MGAT5B: variants seen among roughly 807,000 people sequenced by gnomAD.
MGAT5B encodes alpha-1,6-mannosylglycoprotein 6-beta-N-acetylglucosaminyltransferase B.
A neutral mutation model predicts 95.1 loss-of-function variants in MGAT5B; 54 were observed. The ratio of observed to expected loss-of-function variants is 0.57; its 90% CI spans 0.46 to 0.71. The LOEUF (loss-of-function observed/expected upper bound fraction) is 0.71, where lower values mean the gene tolerates loss of function less well. Among genes scored for constraint, MGAT5B ranks in the 30% least tolerant of loss-of-function variants. The probability of loss-of-function intolerance (pLI) is 0.00; values close to 1 mark genes in which losing one functional copy is unlikely to be tolerated. For synonymous variants in MGAT5B, 464 were observed against 451.0 expected (o/e 1.03, Z -0.36); for missense variants, 935 against 1,088.6 (o/e 0.86, Z 1.99).
In MGAT5B at chr17:76,938,701, C is replaced by G. The variant is rs1969754742; in HGVS notation, c.1584+558C>G. Among the ~76,000 whole-genome samples, 2 of 152,130 alleles carry G rather than the reference C, an allele frequency of 1.3e-5. No individual in the cohort carries two copies. The highest frequency in any genetic ancestry group is 1.5e-5 in the Non-Finnish European group (1 of 68,022). On this transcript the variant is annotated intron_variant, in intron 13 of 17. Coordinates refer to ENST00000569840, the MANE Select transcript of MGAT5B (RefSeq NM_001199172.2). The surrounding 1 kb of genome is among the most constrained non-coding windows in gnomAD (Gnocchi z 4.3). ...CCCCCTCACCCTCTTTTTTATGAGA[C>G]AGGGTCTTGCTCTGTCACCCACGCT...
chr17:76,939,863 T>TA (rs1359076229), intron 13 of MGAT5B, among the ~76,000 whole-genome samples: 1 of 152,240 alleles, frequency 6.6e-6, no homozygotes, highest in East Asian at 1.9e-4. Context: ...TGTTTTTTTT[T>TA]ATGTCTGCGT....
At chr17:76,901,224 A>T (rs1968304796) in intron 3 of MGAT5B, among the ~76,000 whole-genome samples, 1 of 152,082 alleles carries the variant, frequency 6.6e-6, no homozygotes, top group Non-Finnish European at 1.5e-5. Context: ...GGCTCAGAAG[A>T]GGAGGAGAGG....
At chr17:76,919,475 G>A (rs1470743709) in intron 8 of MGAT5B, among the ~76,000 whole-genome samples, 1 of 152,204 alleles carries the variant, frequency 6.6e-6, no homozygotes, top group African/African-American at 2.4e-5. Flanking sequence ...TGTTGCCCAG[G>A]CTAGAGTGCA....
intron 15 of MGAT5B, among the ~76,000 whole-genome samples, chr17:76,941,342 T>C (rs937549242): frequency 6.6e-5 from 10 of 152,170 alleles, no homozygotes; most frequent in Admixed American, 5.2e-4. Context: ...ACGTGGGTGC[T>C]GGTGTGTGTA....
In MGAT5B at chr17:76,906,860, A is replaced by C. The variant is rs1009911656; in HGVS notation, c.1025+673A>C. 2.6e-5 allele frequency among the ~76,000 whole-genome samples: 4 copies of C among 152,110 alleles called. No individual in the cohort carries two copies. Among genetic ancestry groups the C allele is most frequent in the African/African-American group, 9.6e-5 (4 of 41,472 alleles). On this transcript the variant is annotated intron_variant, in intron 8 of 17. Transcript: ENST00000569840. This position sits in a 1 kb window ranked among gnomAD's most constrained non-coding sequence, Gnocchi z 4.6. Reference sequence around the variant, plus strand: ...CTTCTCTTTATTAATATTTATTGTAAGATATATGATGCATACAAAGTCTAT... The same window carrying C: ...CTTCTCTTTATTAATATTTATTGTACGATATATGATGCATACAAAGTCTAT...
In MGAT5B at chr17:76,897,550, A is replaced by G. The variant is rs113629595; in HGVS notation, c.330-5005A>G. Among the ~76,000 whole-genome samples, 3 of 152,120 alleles carry G rather than the reference A, an allele frequency of 2.0e-5. 1 individual carries two copies. Among genetic ancestry groups the G allele is most frequent in the African/African-American group, 7.2e-5 (3 of 41,490 alleles). ...ATGGTCTTTTCCCCTGGGTGTCTGC[A>G]TGTGGCCTTCTTAGAAGGACCCCAG... On this transcript the variant is annotated intron_variant, in intron 3 of 17. Transcript: ENST00000569840.
intron 5 of MGAT5B, 125 bp downstream of exon 5, chr17:76,903,501 A>C: frequency 1.7e-6 from 1 of 592,858 alleles, no homozygotes; most frequent in Non-Finnish European, 2.8e-6. Flanking sequence ...TGCTCAGTGC[A>C]TCCACCCCAC....
At chr17:76,902,949 G>A (rs2145187174) in intron 4 of MGAT5B, among the ~76,000 whole-genome samples, 1 of 152,178 alleles carries the variant, frequency 6.6e-6, no homozygotes, top group South Asian at 2.1e-4. Context: ...AGGGTCCCTC[G>A]GCGGCCCCTC....
intron 3 of MGAT5B, among the ~76,000 whole-genome samples, chr17:76,898,224 A>C (rs1042474828): frequency 6.6e-6 from 1 of 152,202 alleles, no homozygotes; most frequent in African/African-American, 2.4e-5. Context: ...CGTCAGCGGA[A>C]GTCATTCTTA....
rs990465647 is a variant in MGAT5B, at chr17:76,915,549, G to C, written c.1025+9362G>C. On this transcript the variant is annotated intron_variant, in intron 8 of 17. Transcript: ENST00000569840. This position sits in a 1 kb window ranked among gnomAD's most constrained non-coding sequence, Gnocchi z 8.7. ...GGATTCGAACCAAATATGGCAAAAT[G>C]TTAAGGCTTGATGAGGCTGGGAAGT... 6.6e-6 allele frequency among the ~76,000 whole-genome samples: 1 copy of C among 152,162 alleles called. No individual in the cohort carries two copies. The highest frequency in any genetic ancestry group is 2.4e-5 in the African/African-American group (1 of 41,432).
Position 76,924,997 on chromosome 17 carries a change from T to A in MGAT5B, c.1057T>A (p.Cys353Ser), listed in dbSNP as rs761436783. The A allele has an allele frequency of 6.2e-7, 1 of 1,611,900 alleles. No individual in the cohort carries two copies. The highest frequency in any genetic ancestry group is 8.5e-7 in the Non-Finnish European group (1 of 1,179,458). Reference sequence around the variant, plus strand: ...AGGGGTACCGCCAGGCCGGGGAAGCTGCCCGCTCACCATGCCCCTGCCCTT... The same window carrying A: ...AGGGGTACCGCCAGGCCGGGGAAGCAGCCCGCTCACCATGCCCCTGCCCTT... ...NLGVPPGRGS[C>S]PLTMPLPFDL... is the part of the protein sequence containing the mutation. Residue 353 changes from cysteine to serine, a missense_variant, in exon 9 of 18, where the codon TGC (cysteine) becomes AGC (serine). By Grantham distance (112) the Cys-to-Ser change is moderately radical (BLOSUM62 -1). Coordinates refer to ENST00000569840, the MANE Select transcript of MGAT5B (RefSeq NM_001199172.2).
chr17:76,943,103 G>A (rs1482471621), intron 15 of MGAT5B, among the ~76,000 whole-genome samples: 2 of 152,130 alleles, frequency 1.3e-5, no homozygotes, highest in South Asian at 2.1e-4. Flanking sequence ...CGATAGTCGC[G>A]GGTATTTCTG....
rs1194121442 is a variant in MGAT5B at position 76,912,667 on chromosome 17, T to C, written c.1025+6480T>C. On this transcript the variant is annotated intron_variant, in intron 8 of 17. Transcript: ENST00000569840. The surrounding 1 kb of genome is among the most constrained non-coding windows in gnomAD (Gnocchi z 5.0). Reference sequence around the variant, plus strand: ...ATTAACTGGCTCACTGGAGTGACGTTTGGGGCAATGTGCAGGATCTACATC... The same window carrying C: ...ATTAACTGGCTCACTGGAGTGACGTCTGGGGCAATGTGCAGGATCTACATC... Among the ~76,000 whole-genome samples, 1 of 152,050 alleles carries C rather than the reference T, an allele frequency of 6.6e-6. No homozygotes were observed. Among genetic ancestry groups the C allele is most frequent in the Non-Finnish European group, 1.5e-5 (1 of 67,982 alleles).
intron 2 of MGAT5B, among the ~76,000 whole-genome samples, chr17:76,881,182 C>T (rs536871475): frequency 2.0e-5 from 3 of 152,324 alleles, no homozygotes; most frequent in African/African-American, 4.8e-5. Flanking sequence ...CTGGCACGTG[C>T]AGCGCTAATG....
In MGAT5B at chr17:76,914,018, T is replaced by C. The variant is rs1968838240; in HGVS notation, c.1025+7831T>C. On this transcript the variant is annotated intron_variant, in intron 8 of 17. Coordinates refer to ENST00000569840, the MANE Select transcript of MGAT5B (RefSeq NM_001199172.2). The surrounding 1 kb of genome is among the most constrained non-coding windows in gnomAD (Gnocchi z 5.1). ...CAGGCGACTGAGGAAGGAGGATCAC[T>C]TGAGCCTGGGAAGTCGAGGCTACAG... 3.0e-6 allele frequency: 1 copy of C among 329,654 alleles called. No individual in the cohort carries two copies. Among genetic ancestry groups the C allele is most frequent in the Admixed American group, 3.8e-5 (1 of 26,174 alleles). 20.4% of individuals were successfully genotyped at this position (329,654 alleles called of 1,614,324 possible).
At chr17:76,878,976 G>A (rs571984278) in intron 2 of MGAT5B, among the ~76,000 whole-genome samples, 10 of 151,024 alleles carry the variant, frequency 6.6e-5, no homozygotes, top group African/African-American at 2.4e-4. Context: ...GCAGCAGAGC[G>A]GGCCTGGAGT....
At chr17:76,877,573 G>A (rs1249511171) in intron 2 of MGAT5B, among the ~76,000 whole-genome samples, 1 of 152,190 alleles carries the variant, frequency 6.6e-6, no homozygotes, top group Non-Finnish European at 1.5e-5. Flanking sequence ...GGGGACCGGG[G>A]CCCGGAGGTC....
chr17:76,936,340 G>A (rs940847913), intron 12 of MGAT5B, among the ~76,000 whole-genome samples: 2 of 152,142 alleles, frequency 1.3e-5, no homozygotes, highest in Non-Finnish European at 2.9e-5. Flanking sequence ...CCTGGGAGGC[G>A]GAGGTTGCAG....
chr17:76,897,265 C>A (rs1261174227), intron 3 of MGAT5B, among the ~76,000 whole-genome samples: 1 of 152,126 alleles, frequency 6.6e-6, no homozygotes, highest in Non-Finnish European at 1.5e-5. Context: ...CTCAGTTCTG[C>A]GGATGGTGAT....
Sources: allele counts gnomAD v4.1 joint callset (sites outside exome capture counted in the v4.1 genomes callset), GRCh38; gene constraint gnomAD v4.1.1; non-coding constraint Gnocchi (gnomAD v3.1); transcripts MANE v1.5; gene names NCBI Gene and HGNC (gene_info 2026-07-23, HGNC 2026-07-21).